Variants in PBRM1 observed in about 807,000 individuals in gnomAD.
PBRM1 encodes polybromo 1, also known as protein polybromo-1.
PBRM1 carries 27 observed loss-of-function variants against 194.5 expected under a neutral mutation model. That is an observed-to-expected ratio of 0.14 (90% CI 0.10 to 0.19). The LOEUF is 0.19. Ranked by LOEUF, PBRM1 falls within the 10% of genes least tolerant of loss-of-function variation. PBRM1 has a pLI of 1.00. For missense variants in PBRM1, 1,466 were observed against 2,077.2 expected (o/e 0.71, Z 5.72); for synonymous variants, 655 against 693.2 (o/e 0.94, Z 0.87).
intron 17 of PBRM1, among the ~76,000 whole-genome samples, chr3:52,594,291 GTCT>G (rs1286458248): frequency 6.6e-6 from 1 of 152,164 alleles, no homozygotes; most frequent in Non-Finnish European, 1.5e-5. Context: ...TTTAGGATAA[GTCT>G]TCTTGTTGAA....
intron 5 of PBRM1, among the ~76,000 whole-genome samples, chr3:52,652,772 T>G (rs969412082): frequency 7.9e-5 from 12 of 152,000 alleles, no homozygotes; most frequent in Non-Finnish European, 1.6e-4. Context: ...CTGAGGCAGC[T>G]GGATCACTTG....
chr3:52,573,781 A>G (rs540165989), intron 22 of PBRM1, among the ~76,000 whole-genome samples: 63 of 152,246 alleles, frequency 4.1e-4, no homozygotes, highest in Non-Finnish European at 8.8e-5. Flanking sequence ...TGCTTAATTA[A>G]GAAAAAAAGT....
At chr3:52,656,090 G>C (rs1056080070) in intron 5 of PBRM1, among the ~76,000 whole-genome samples, 2 of 152,168 alleles carry the variant, frequency 1.3e-5, no homozygotes, top group Admixed American at 1.3e-4. Context: ...AGAAATATGA[G>C]AATGCTGAGG....
At chr3:52,574,534 G>T (rs1364986726) in intron 22 of PBRM1, among the ~76,000 whole-genome samples, 1 of 152,192 alleles carries the variant, frequency 6.6e-6, no homozygotes, top group African/African-American at 2.4e-5. Context: ...CAGAGGAAAA[G>T]ATGAGGAGTG....
At position 52,565,445 on chromosome 3, in the gene PBRM1, C is replaced by G. The variant is rs571731662; in HGVS notation, c.3692-1212G>C. Among the ~76,000 whole-genome samples the G allele has an allele frequency of 1.8e-4, 27 of 150,418 alleles. No individual in the cohort carries two copies. The East Asian group carries it at 4.6e-3, about 25-fold the overall frequency. On this transcript the variant is annotated intron_variant, in intron 22 of 29. Coordinates refer to ENST00000296302, the Ensembl canonical transcript of PBRM1. ...ATTGCTTGAACCCGGAAGGCAGAGG[C>G]TGCAGTGAGCCAAGAGCACCCCAGT...
At chr3:52,632,450 C>T (rs930247310) in intron 11 of PBRM1, among the ~76,000 whole-genome samples, 1 of 152,048 alleles carries the variant, frequency 6.6e-6, no homozygotes, top group Non-Finnish European at 1.5e-5. Context: ...GGCATGTTGG[C>T]ATGTGTCTGT....
chr3:52,603,705 T>A, exon 17 of PBRM1: 2 of 1,605,660 alleles, frequency 1.2e-6, no homozygotes, highest in African/African-American at 2.7e-5. Flanking sequence ...GAAGTTCTAC[T>A]GCATCTTCAT....
chr3:52,606,858 G>A (rs933343929), intron 16 of PBRM1, among the ~76,000 whole-genome samples: 112 of 152,200 alleles, frequency 7.4e-4, no homozygotes, highest in African/African-American at 2.3e-3. Flanking sequence ...CAACTGGCAT[G>A]AGTCAGCACT....
At chr3:52,657,142 A>C (rs902029790) in intron 5 of PBRM1, among the ~76,000 whole-genome samples, 9 of 152,174 alleles carry the variant, frequency 5.9e-5, no homozygotes, top group Non-Finnish European at 1.0e-4. Flanking sequence ...AGAAGCTGGG[A>C]GAAGAGGGGA....
chr3:52,635,267 T>A (rs561592978), intron 10 of PBRM1, among the ~76,000 whole-genome samples: 1 of 151,692 alleles, frequency 6.6e-6, no homozygotes, highest in East Asian at 2.0e-4. Flanking sequence ...ATAATTACTT[T>A]AAAAAAATAG....
At chr3:52,678,284 G>A (rs1018904924) in intron 2 of PBRM1, among the ~76,000 whole-genome samples, 1 of 151,972 alleles carries the variant, frequency 6.6e-6, no homozygotes, top group Admixed American at 6.6e-5. Flanking sequence ...TCAAGTAGCT[G>A]GGATTATAGG....
rs1045614896 is a variant in PBRM1 at position 52,618,740 on chromosome 3, G to A, written c.1542-1202C>T. On this transcript the variant is annotated intron_variant, in intron 13 of 29. Coordinates refer to ENST00000296302, the Ensembl canonical transcript of PBRM1. ...CTTCCAAGTAGCTGGGATTACAGGC[G>A]CCTGCCACGACGCCCTGCTTTTTTT... Among the ~76,000 whole-genome samples the A allele has an allele frequency of 5.4e-5, 8 of 149,046 alleles. No individual in the cohort carries two copies. In the South Asian group the frequency reaches 1.1e-3, roughly 20 times the overall value.
chr3:52,679,583 A>T lies in PBRM1; in HGVS notation c.129T>A (p.Thr43=), dbSNP rs1296450812. 3 of 1,613,230 alleles carry T rather than the reference A, an allele frequency of 1.9e-6. 1 individual carries two copies. In the South Asian group the frequency reaches 3.3e-5, roughly 18 times the overall value. The stretch of plus-strand genomic sequence containing the variant: ...AATCCAAGTTACTCACAGGATCTAC[A>T]GTTGGAAGATTGGAAAGTCTCCTCC... The change falls in exon 1 of 30, where the codon ACT becomes ACA. Residue 43 remains threonine, a synonymous_variant. Coordinates refer to ENST00000296302, the Ensembl canonical transcript of PBRM1.
intron 27 of PBRM1, among the ~76,000 whole-genome samples, chr3:52,551,626 AG>A (rs1238391541): frequency 6.6e-6 from 1 of 152,222 alleles, no homozygotes; most frequent in Non-Finnish European, 1.5e-5. Flanking sequence ...TTTTGATTTC[AG>A]GGTGCATATT....
chr3:52,546,352 A>AT (rs2079674641), downstream of PBRM1: 1 of 231,256 alleles, frequency 4.3e-6, no homozygotes, highest in Non-Finnish European at 8.6e-6. Context: ...TCACTTTAAC[A>AT]ATAAGGTACT....
In PBRM1 at chr3:52,609,011, T is replaced by G; in HGVS notation, c.2567+302A>C. 3.7e-6 allele frequency: 1 copy of G among 272,852 alleles called. No individual in the cohort carries two copies. The highest frequency in any genetic ancestry group is 7.0e-6 in the Non-Finnish European group (1 of 143,326). 16.9% of individuals were successfully genotyped at this position (272,852 alleles called of 1,614,324 possible). The stretch of plus-strand genomic sequence containing the variant: ...CTGTTACTATTTCCAATTAGAAACA[T>G]TTATCTTTTTAAAAAACACATTCTA... On this transcript the variant is annotated intron_variant, in intron 16 of 29. Transcript: ENST00000296302. This position sits in a 1 kb window ranked among gnomAD's most constrained non-coding sequence, Gnocchi z 4.1.
At chr3:52,576,342 T>C (rs916737075) in intron 22 of PBRM1, among the ~76,000 whole-genome samples, 199 bp downstream of exon 24, 1 of 152,150 alleles carries the variant, frequency 6.6e-6, no homozygotes, top group Non-Finnish European at 1.5e-5. Flanking sequence ...GGTTGTGCCC[T>C]AATTACCACC....
chr3:52,684,728 CT>C (rs1201848220), intron 1 of PBRM1: 1 of 152,168 alleles, frequency 6.6e-6, no homozygotes, highest in Non-Finnish European at 1.5e-5. Context: ...CCACAATTTA[CT>C]TATCTTGGGA....
chr3:52,597,307 T>C (rs2093643856), intron 17 of PBRM1, among the ~76,000 whole-genome samples: 1 of 152,106 alleles, frequency 6.6e-6, no homozygotes. Flanking sequence ...TGTAGATAGT[T>C]GTTAAATTTG....
Sources: allele counts gnomAD v4.1 joint callset (sites outside exome capture counted in the v4.1 genomes callset), GRCh38; gene constraint gnomAD v4.1.1; non-coding constraint Gnocchi (gnomAD v3.1); transcripts MANE v1.5; gene names NCBI Gene and HGNC (gene_info 2026-07-23, HGNC 2026-07-21).